The following PRKCE variants were observed in gnomAD, a reference collection of about 807,000 sequenced individuals.
PRKCE encodes protein kinase C epsilon.
Under a neutral mutation model 85.4 loss-of-function variants are expected in PRKCE, and 16 were observed. That is an observed-to-expected ratio of 0.19 (90% CI 0.13 to 0.28). The LOEUF is 0.28. Ranked by LOEUF, PRKCE falls within the 10% of genes least tolerant of loss-of-function variation. PRKCE has a pLI of 1.00. For synonymous variants in PRKCE, 388 were observed against 371.5 expected (o/e 1.04, Z -0.51); for missense variants, 573 against 975.2 (o/e 0.59, Z 5.49).
At position 46,001,312 on chromosome 2, in the gene PRKCE, T is replaced by C. The variant is rs557737399; in HGVS notation, c.824-92T>C. 3 of 1,176,392 alleles carry C rather than the reference T, an allele frequency of 2.6e-6. No individual in the cohort carries two copies. Among genetic ancestry groups the C allele is most frequent in the African/African-American group, 1.6e-5 (1 of 63,104 alleles). The allele number at this position is 1,176,392 out of a possible 1,614,324, so 72.9% of individuals were successfully genotyped here. ...AATTATATCTTAAATGAACATGTAATACTTCATGAACATATAATACAATCT... is the reference window on the plus strand; with the variant it reads ...AATTATATCTTAAATGAACATGTAACACTTCATGAACATATAATACAATCT... On this transcript the variant is annotated intron_variant, in intron 6 of 14. Coordinates refer to ENST00000306156, the MANE Select transcript of PRKCE (RefSeq NM_005400.3). This position sits in a 1 kb window ranked among gnomAD's most constrained non-coding sequence, Gnocchi z 4.4.
At chr2:46,086,755 C>G (rs1350415797) in intron 11 of PRKCE, among the ~76,000 whole-genome samples, 1 of 152,140 alleles carries the variant, frequency 6.6e-6, no homozygotes, top group Non-Finnish European at 1.5e-5. Flanking sequence ...CTTGCCACTT[C>G]CTGAGTTTGT....
intron 14 of PRKCE, among the ~76,000 whole-genome samples, chr2:46,180,870 T>C (rs1373733476): frequency 5.3e-5 from 8 of 152,326 alleles, no homozygotes; most frequent in South Asian, 2.1e-4. Flanking sequence ...CAGCCGGTGA[T>C]CTTCCTCCTA....
chr2:46,029,695 T>TTA (rs916260393), intron 10 of PRKCE, among the ~76,000 whole-genome samples: 5 of 151,544 alleles, frequency 3.3e-5, no homozygotes, highest in Non-Finnish European at 4.4e-5. Context: ...GTTTTTTTTT[T>TTA]TTTGTGGGAA....
intron 1 of PRKCE, among the ~76,000 whole-genome samples, chr2:45,690,053 G>C (rs1677610166): frequency 6.6e-6 from 1 of 152,228 alleles, no homozygotes; most frequent in African/African-American, 2.4e-5. Flanking sequence ...GGAAAATCAT[G>C]CACACTATCC....
At chr2:46,130,454 T>C (rs1674320014) in intron 11 of PRKCE, among the ~76,000 whole-genome samples, 1 of 152,328 alleles carries the variant, frequency 6.6e-6, no homozygotes, top group Admixed American at 6.5e-5. Context: ...GAGTTACATG[T>C]TGTCTGCGTA....
chr2:45,778,576 C>T (rs1263767480), intron 1 of PRKCE, among the ~76,000 whole-genome samples: 1 of 152,184 alleles, frequency 6.6e-6, no homozygotes, highest in Non-Finnish European at 1.5e-5. Context: ...TCTACACAGA[C>T]ACTAAGGGCT....
intron 1 of PRKCE, chr2:45,676,324 C>G (rs750719687): frequency 6.6e-6 from 1 of 152,208 alleles, no homozygotes; most frequent in Admixed American, 6.5e-5. Flanking sequence ...TGCAAGTATT[C>G]TAGTGATTGA....
At chr2:45,912,042 C>T (rs539587987) in intron 2 of PRKCE, among the ~76,000 whole-genome samples, 18 of 152,130 alleles carry the variant, frequency 1.2e-4, no homozygotes, top group East Asian at 5.8e-4. Flanking sequence ...ATGTTTCCCA[C>T]GCATTCTGGT....
chr2:45,912,534 A>G (rs1430985253), intron 2 of PRKCE, among the ~76,000 whole-genome samples: 2 of 152,144 alleles, frequency 1.3e-5, no homozygotes, highest in African/African-American at 4.8e-5. Context: ...TGAGGCTCAC[A>G]GCTGGAGCCT....
intron 1 of PRKCE, among the ~76,000 whole-genome samples, chr2:45,791,728 T>C (rs969925732): frequency 3.9e-5 from 6 of 152,212 alleles, no homozygotes; most frequent in African/African-American, 7.2e-5. Context: ...GCTGGGTTAA[T>C]GCGCTCCTCT....
chr2:45,855,003 C>G (rs1307471916), intron 2 of PRKCE, among the ~76,000 whole-genome samples: 3 of 152,200 alleles, frequency 2.0e-5, no homozygotes, highest in African/African-American at 7.2e-5. Context: ...AGCTCTCCAT[C>G]TCTGGAGGTA....
At position 46,075,750 on chromosome 2, in the gene PRKCE, A is replaced by G. The variant is rs118137717; in HGVS notation, c.1438-10458A>G. On this transcript the variant is annotated intron_variant, in intron 10 of 14. Transcript: ENST00000306156. ...GGCAACAGAGTGAGGCCCTGTCTCT[A>G]AATAAATAGATAAATTATTGATAGA... is the stretch of plus-strand genomic sequence containing the variant. Among the ~76,000 whole-genome samples the G allele has an allele frequency of 6.4e-3, 981 of 152,352 alleles. 16 individuals are homozygous for G. Among genetic ancestry groups the G allele is most frequent in the East Asian group, 0.021 (109 of 5,188 alleles).
At chr2:45,716,292 A>T (rs550871287) in intron 1 of PRKCE, among the ~76,000 whole-genome samples, 2 of 152,206 alleles carry the variant, frequency 1.3e-5, no homozygotes, top group Non-Finnish European at 2.9e-5. Context: ...CAAGGTGGGC[A>T]GATCACTTGA....
chr2:45,994,756 G>A (rs140065299), intron 6 of PRKCE, among the ~76,000 whole-genome samples: 3 of 152,206 alleles, frequency 2.0e-5, no homozygotes, highest in African/African-American at 4.8e-5. Flanking sequence ...ATCCATGTGC[G>A]GGTTTTTATA....
At chr2:46,154,231 G>A (rs1280922480) in intron 13 of PRKCE, among the ~76,000 whole-genome samples, 2 of 152,102 alleles carry the variant, frequency 1.3e-5, no homozygotes, top group African/African-American at 4.8e-5. Context: ...TCTGGAGGGT[G>A]CCTCTCCTGC....
chr2:45,801,547 C>T (rs1033803648), intron 1 of PRKCE, among the ~76,000 whole-genome samples: 1 of 152,002 alleles, frequency 6.6e-6, no homozygotes, highest in Admixed American at 6.5e-5. Context: ...GAATGCTGCC[C>T]AGGTTTCCAG....
intron 1 of PRKCE, among the ~76,000 whole-genome samples, chr2:45,712,733 A>G (rs1158866300): frequency 6.6e-6 from 1 of 152,028 alleles, no homozygotes; most frequent in Non-Finnish European, 1.5e-5. Flanking sequence ...CCCTGTACCT[A>G]CAGGCAGAGT....
chr2:45,755,460 C>A lies in PRKCE; in HGVS notation c.349-87540C>A, dbSNP rs558401376. Among the ~76,000 whole-genome samples the A allele has an allele frequency of 4.6e-4, 70 of 152,316 alleles. 1 individual carries two copies. In the South Asian group the frequency reaches 0.014, roughly 31 times the overall value. ...GACACGGTCCTTCATTCTACAGTGA[C>A]CTTCATTCTACGGTGACTGCTAATG... On this transcript the variant is annotated intron_variant, in intron 1 of 14. Transcript: ENST00000306156.
At chr2:45,883,648 A>G (rs1695040204) in intron 2 of PRKCE, among the ~76,000 whole-genome samples, 1 of 152,164 alleles carries the variant, frequency 6.6e-6, no homozygotes, top group African/African-American at 2.4e-5. Context: ...GCCTGTGTGG[A>G]GAGTGAGTCT....
Sources: allele counts gnomAD v4.1 joint callset (sites outside exome capture counted in the v4.1 genomes callset), GRCh38; gene constraint gnomAD v4.1.1; non-coding constraint Gnocchi (gnomAD v3.1); transcripts MANE v1.5; gene names NCBI Gene and HGNC (gene_info 2026-07-23, HGNC 2026-07-21).